Variants in PDK1 observed in about 807,000 individuals in gnomAD.
The protein encoded by PDK1 is [Pyruvate dehydrogenase (acetyl-transferring)] kinase isozyme 1, mitochondrial.
Under a neutral mutation model 54.2 loss-of-function variants are expected in PDK1, and 39 were observed. That is an observed-to-expected ratio of 0.72 (90% confidence interval 0.56 to 0.94). The LOEUF is 0.94. Ranked by LOEUF, PDK1 falls within the 40% of genes least tolerant of loss-of-function variation. The probability of loss-of-function intolerance (pLI) is 0.00; values close to 1 mark genes in which losing one functional copy is unlikely to be tolerated. For synonymous variants in PDK1, 221 were observed against 207.1 expected, an observed-to-expected ratio of 1.07 and a Z score of -0.58; for missense variants, 552 against 566.0, an observed-to-expected ratio of 0.98 and a Z score of 0.25.
At chr2:172,709,898 A>T in the PDK1 span, among the ~76,000 whole-genome samples, 1 of 152,166 alleles carries the variant, frequency 6.6e-6, no homozygotes, top group South Asian at 2.1e-4. Context: ...CCCACATGAC[A>T]TTTTACAAAA....
In PDK1 at chr2:172,600,981, C is replaced by T. The variant is rs943664762; in HGVS notation, c.*5012C>T. 6.6e-6 allele frequency: 1 copy of T among 152,100 alleles called. No individual in the cohort carries two copies. Among genetic ancestry groups the T allele is most frequent in the Non-Finnish European group, 1.5e-5 (1 of 68,010 alleles). The allele number at this position is 152,100 out of a possible 1,614,324, so 9.4% of individuals were successfully genotyped here. ...GGGAAAGGAATGTGCTTATTAAGGG[C>T]CACTGTTTTACTGGGGTTAACTGCA... On this transcript the variant is annotated 3_prime_UTR_variant, in exon 11 of 11. Transcript: ENST00000282077.
chr2:172,660,000 C>T, the PDK1 span, among the ~76,000 whole-genome samples: 20 of 152,132 alleles, frequency 1.3e-4, no homozygotes, highest in African/African-American at 4.6e-4. Flanking sequence ...GAATGAGATG[C>T]AGAGGATGTT....
chr2:172,696,844 A>G, the PDK1 span, among the ~76,000 whole-genome samples: 3 of 152,198 alleles, frequency 2.0e-5, no homozygotes, highest in Admixed American at 6.5e-5. Flanking sequence ...CTTGTAGTGT[A>G]TGAAATTATT....
rs1689476811 is a variant in PDK1, at chr2:172,574,604, CAAT to C, written c.945+3784_945+3786del. On this transcript the variant is annotated intron_variant, in intron 8 of 10. Transcript: ENST00000282077. ...TTTATAGGTCTTCTTTGCTTTCTTT[CAAT>C]AATGTTTTGTGGTTTTTAGTGTACA... is the stretch of plus-strand genomic sequence containing the variant. Among the ~76,000 whole-genome samples, 3 of 152,248 alleles carry C rather than the reference CAAT, an allele frequency of 2.0e-5. No homozygotes were observed. In the South Asian group the frequency reaches 6.2e-4, roughly 32 times the overall value.
chr2:172,576,087 C>T (rs1689567301), intron 8 of PDK1, among the ~76,000 whole-genome samples: 1 of 152,014 alleles, frequency 6.6e-6, no homozygotes, highest in Non-Finnish European at 1.5e-5. Context: ...GCCACCATGC[C>T]TGGCTAATTT....
At chr2:172,649,219 C>G in the PDK1 span, among the ~76,000 whole-genome samples, 1 of 152,204 alleles carries the variant, frequency 6.6e-6, no homozygotes, top group East Asian at 1.9e-4. Flanking sequence ...CCCAGGCAAA[C>G]AGCACCTGGA....
intron 8 of PDK1, among the ~76,000 whole-genome samples, chr2:172,583,352 A>G (rs1055308208): frequency 1.6e-5 from 2 of 125,166 alleles, no homozygotes; most frequent in Admixed American, 2.1e-4. Flanking sequence ...GCTAGAGTGC[A>G]GTGGTACAAC....
At chr2:172,662,346 T>A in the PDK1 span, among the ~76,000 whole-genome samples, 1 of 152,214 alleles carries the variant, frequency 6.6e-6, no homozygotes, top group South Asian at 2.1e-4. Context: ...TTGTTTATTG[T>A]ACAAAATCTT....
the PDK1 span, among the ~76,000 whole-genome samples, chr2:172,662,056 G>A: frequency 1.3e-5 from 2 of 152,176 alleles, no homozygotes; most frequent in Admixed American, 6.5e-5. Flanking sequence ...CAAACACTAA[G>A]AGAATATTCT....
At chr2:172,644,281 C>G in the PDK1 span, among the ~76,000 whole-genome samples, 2 of 152,186 alleles carry the variant, frequency 1.3e-5, no homozygotes, top group African/African-American at 4.8e-5. Flanking sequence ...CAGCCCGCAC[C>G]TCTGTCTGTA....
the PDK1 span, among the ~76,000 whole-genome samples, chr2:172,705,432 A>G: frequency 1.3e-3 from 198 of 152,326 alleles, 1 homozygote; most frequent in African/African-American, 4.6e-3. Flanking sequence ...CAACCCTGGG[A>G]ATCTTTGAGT....
the PDK1 span, among the ~76,000 whole-genome samples, chr2:172,615,343 G>C: frequency 6.6e-6 from 1 of 152,196 alleles, no homozygotes; most frequent in East Asian, 1.9e-4. Context: ...AATGATAGAG[G>C]CCAGGCATAG....
the PDK1 span, among the ~76,000 whole-genome samples, chr2:172,647,733 T>C: frequency 1.3e-5 from 2 of 152,202 alleles, no homozygotes; most frequent in Non-Finnish European, 2.9e-5. Flanking sequence ...GCAAGATCCA[T>C]TGATGGATGC....
chr2:172,623,890 T>A, the PDK1 span, among the ~76,000 whole-genome samples: 4 of 152,198 alleles, frequency 2.6e-5, no homozygotes, highest in African/African-American at 9.7e-5. Flanking sequence ...ATAGGTTGGT[T>A]TTCTACCCTT....
intron 8 of PDK1, among the ~76,000 whole-genome samples, chr2:172,582,266 A>G (rs888777075): frequency 2.6e-5 from 4 of 152,158 alleles, no homozygotes; most frequent in African/African-American, 9.7e-5. Flanking sequence ...ACTGTTGATG[A>G]TTTTACAGAC....
the PDK1 span, among the ~76,000 whole-genome samples, chr2:172,623,438 G>A: frequency 2.0e-5 from 3 of 152,146 alleles, no homozygotes; most frequent in African/African-American, 7.2e-5. Flanking sequence ...AATGTTTTAT[G>A]TTTTACAGAA....
the PDK1 span, among the ~76,000 whole-genome samples, chr2:172,684,167 TC>T: frequency 6.6e-6 from 1 of 152,220 alleles, no homozygotes; most frequent in South Asian, 2.1e-4. Flanking sequence ...ATGCCTGTAA[TC>T]CCAGCACTTT....
chr2:172,590,866 A>G (rs1290206552), intron 9 of PDK1, among the ~76,000 whole-genome samples: 1 of 151,960 alleles, frequency 6.6e-6, no homozygotes. Flanking sequence ...AGCTAGACAG[A>G]AAAGTTCTCC....
At chr2:172,637,129 C>T in the PDK1 span, among the ~76,000 whole-genome samples, 1 of 152,204 alleles carries the variant, frequency 6.6e-6, no homozygotes, top group Admixed American at 6.5e-5. Context: ...TGCATTAGAA[C>T]TGACTCAAGT....
Sources: gnomAD v4.1 joint callset for allele counts (sites outside exome capture counted in the v4.1 genomes callset) on GRCh38, gnomAD v4.1.1 for gene constraint, MANE v1.5 for transcripts, NCBI Gene and HGNC (gene_info 2026-07-23, HGNC 2026-07-21) for gene names.